HS6ST3: variants seen among roughly 807,000 people sequenced by gnomAD.
HS6ST3 encodes heparan-sulfate 6-O-sulfotransferase 3.
A neutral mutation model predicts 36.7 loss-of-function variants in HS6ST3; 12 were observed. The observed-to-expected ratio is 0.33, with a 90% CI of 0.21 to 0.53. HS6ST3 has a LOEUF of 0.53. Ranked by LOEUF, HS6ST3 falls within the 20% of genes least tolerant of loss-of-function variation. HS6ST3 has a pLI of 0.95. For synonymous variants in HS6ST3, 240 were observed against 257.5 expected (o/e 0.93, Z 0.65); for missense variants, 584 against 640.9 (o/e 0.91, Z 0.96).
At position 96,595,460 on chromosome 13, in the gene HS6ST3, TTC is replaced by T. The variant is rs984709531; in HGVS notation, c.708-237014_708-237013del. ...TCTCTTGCTGCTTTCAGGATTTTTT[TTC>T]TCTCTCTCTCTCTCTTTGTTTTTTA... On this transcript the variant is annotated intron_variant, in intron 1 of 1. Transcript: ENST00000376705. 3.3e-5 allele frequency among the ~76,000 whole-genome samples: 5 copies of T among 151,264 alleles called. No individual in the cohort carries two copies. In the East Asian group the frequency reaches 7.7e-4, roughly 23 times the overall value.
intron 1 of HS6ST3, among the ~76,000 whole-genome samples, chr13:96,389,298 T>C (rs960515625): frequency 5.3e-5 from 8 of 152,152 alleles, no homozygotes; most frequent in Admixed American, 3.9e-4. Context: ...ATGACAGATA[T>C]GTGAATTTGC....
intron 1 of HS6ST3, among the ~76,000 whole-genome samples, chr13:96,298,957 G>A (rs990489067): frequency 3.9e-5 from 6 of 152,154 alleles, no homozygotes; most frequent in African/African-American, 1.4e-4. Context: ...TTGTAGTAGA[G>A]AAAAATGTAT....
chr13:96,822,850 T>A (rs941367837), intron 1 of HS6ST3, among the ~76,000 whole-genome samples: 2 of 152,246 alleles, frequency 1.3e-5, no homozygotes, highest in African/African-American at 4.8e-5. Flanking sequence ...GATCCAGATG[T>A]TGGCTTTAAT....
At chr13:96,151,416 A>G (rs1273185095) in intron 1 of HS6ST3, among the ~76,000 whole-genome samples, 2 of 152,136 alleles carry the variant, frequency 1.3e-5, no homozygotes, top group Admixed American at 6.6e-5. Flanking sequence ...AAAAAAAAAA[A>G]AAAAAGAGAC....
intron 1 of HS6ST3, among the ~76,000 whole-genome samples, chr13:96,396,171 G>T (rs1414452219): frequency 1.3e-5 from 2 of 151,872 alleles, no homozygotes; most frequent in Non-Finnish European, 2.9e-5. Context: ...AAAATTAGCC[G>T]GGTGTAGTAG....
intron 1 of HS6ST3, among the ~76,000 whole-genome samples, chr13:96,152,677 T>G (rs1441145485): frequency 6.6e-6 from 1 of 152,026 alleles, no homozygotes; most frequent in Admixed American, 6.6e-5. Flanking sequence ...TTTATATGCT[T>G]CTATATGATT....
intron 1 of HS6ST3, among the ~76,000 whole-genome samples, chr13:96,719,012 C>A (rs1289419133): frequency 6.6e-6 from 1 of 152,138 alleles, no homozygotes; most frequent in African/African-American, 2.4e-5. Context: ...TGGTGGCTGA[C>A]GCCTGTAATC....
intron 1 of HS6ST3, among the ~76,000 whole-genome samples, chr13:96,592,850 C>A (rs556721437): frequency 1.3e-5 from 2 of 152,062 alleles, no homozygotes; most frequent in East Asian, 3.9e-4. Context: ...TCTCTTGCTG[C>A]CTTTAGGACC....
chr13:96,429,809 G>A (rs1221118886), intron 1 of HS6ST3, among the ~76,000 whole-genome samples: 4 of 151,978 alleles, frequency 2.6e-5, no homozygotes, highest in Non-Finnish European at 5.9e-5. Context: ...TTTTTTTGTT[G>A]TCAGAATAAT....
At chr13:96,608,531 G>A (rs2056446692) in intron 1 of HS6ST3, among the ~76,000 whole-genome samples, 1 of 152,188 alleles carries the variant, frequency 6.6e-6, no homozygotes, top group South Asian at 2.1e-4. Flanking sequence ...AAAGGAACAT[G>A]CTGAACTGCA....
intron 1 of HS6ST3, among the ~76,000 whole-genome samples, chr13:96,755,202 C>T (rs1437121372): frequency 1.3e-5 from 2 of 151,992 alleles, no homozygotes; most frequent in East Asian, 1.9e-4. Flanking sequence ...TGATTTTGAT[C>T]GCCATAAATT....
At chr13:96,226,524 A>AAATAAT (rs560161304) in intron 1 of HS6ST3, among the ~76,000 whole-genome samples, 7 of 151,994 alleles carry the variant, frequency 4.6e-5, no homozygotes, top group African/African-American at 1.4e-4. Context: ...CCATCTCAAA[A>AAATAAT]AATAATAATA....
intron 1 of HS6ST3, among the ~76,000 whole-genome samples, chr13:96,623,325 G>A (rs1204513890): frequency 3.9e-5 from 6 of 152,096 alleles, no homozygotes; most frequent in African/African-American, 1.4e-4. Flanking sequence ...CTGTGCTGGG[G>A]GGCACTGGGC....
At chr13:96,648,996 A>G (rs573923822) in intron 1 of HS6ST3, among the ~76,000 whole-genome samples, 5 of 152,080 alleles carry the variant, frequency 3.3e-5, no homozygotes, top group South Asian at 4.1e-4. Context: ...GCAGACCCCT[A>G]TATTTGATCT....
Position 96,830,178 on chromosome 13 carries a change from G to A in HS6ST3, c.708-2312G>A, listed in dbSNP as rs180789524. Among the ~76,000 whole-genome samples the A allele has an allele frequency of 4.1e-4, 63 of 152,198 alleles. No homozygotes were observed. The South Asian group carries it at 5.0e-3, about 12-fold the overall frequency. On this transcript the variant is annotated intron_variant, in intron 1 of 1. Transcript: ENST00000376705. ...TGACTAATACAAGTATTCCAAGCAC[G>A]TTTAAGTTTGGCTAGGCTAAGCTAT...
intron 1 of HS6ST3, among the ~76,000 whole-genome samples, chr13:96,768,330 T>C (rs576879739): frequency 6.6e-6 from 1 of 152,326 alleles, no homozygotes; most frequent in South Asian, 2.1e-4. Context: ...CGTCATTCCC[T>C]CAGCTAGTTG....
intron 1 of HS6ST3, among the ~76,000 whole-genome samples, chr13:96,194,666 A>C (rs894765439): frequency 3.3e-5 from 5 of 152,132 alleles, no homozygotes; most frequent in African/African-American, 1.2e-4. Flanking sequence ...TACTAATTAT[A>C]GTTACCATAC....
intron 1 of HS6ST3, among the ~76,000 whole-genome samples, chr13:96,380,163 GA>G (rs899826841): frequency 5.3e-5 from 8 of 152,044 alleles, no homozygotes; most frequent in Non-Finnish European, 8.8e-5. Flanking sequence ...TGTTGGTGGT[GA>G]ACAGTTTCAG....
intron 1 of HS6ST3, among the ~76,000 whole-genome samples, chr13:96,770,536 A>G (rs1823926087): frequency 1.3e-5 from 2 of 152,248 alleles, no homozygotes; most frequent in Admixed American, 6.5e-5. Flanking sequence ...ACAGCAATAT[A>G]TGGTAAATGA....
Sources: allele counts gnomAD v4.1 joint callset (sites outside exome capture counted in the v4.1 genomes callset), GRCh38; gene constraint gnomAD v4.1.1; transcripts MANE v1.5; gene names NCBI Gene and HGNC (gene_info 2026-07-23, HGNC 2026-07-21).